The following ARHGEF33 variants were observed in gnomAD, a reference collection of about 807,000 sequenced individuals.
The protein encoded by ARHGEF33 is Rho guanine nucleotide exchange factor 33, also known as DH and coiled-coil domain-containing protein ENSP00000381780.
ARHGEF33 carries 72 observed loss-of-function variants against 101.9 expected under a neutral mutation model. The ratio of observed to expected loss-of-function variants is 0.71; its 90% CI spans 0.58 to 0.86. The LOEUF is 0.86. Ranked by LOEUF, ARHGEF33 falls within the 40% of genes least tolerant of loss-of-function variation. ARHGEF33 has a pLI of 0.00. For synonymous variants in ARHGEF33, 499 were observed against 442.5 expected (o/e 1.13, Z -1.60); for missense variants, 1,169 against 1,111.3 (o/e 1.05, Z -0.74).
At chr2:38,963,884 A>G (rs969290936) in intron 16 of ARHGEF33, among the ~76,000 whole-genome samples, 5 of 152,188 alleles carry the variant, frequency 3.3e-5, no homozygotes, top group Admixed American at 6.5e-5. Flanking sequence ...GGGAAAGGCA[A>G]TTTTTCCACA....
chr2:38,936,589 G>T (rs1285375705), intron 8 of ARHGEF33, among the ~76,000 whole-genome samples: 1 of 152,152 alleles, frequency 6.6e-6, no homozygotes, highest in Non-Finnish European at 1.5e-5. Context: ...GAAACAGAGG[G>T]AACCCCGTGC....
intron 9 of ARHGEF33, among the ~76,000 whole-genome samples, chr2:38,939,112 A>C (rs1667233461): frequency 6.6e-6 from 1 of 152,086 alleles, no homozygotes. Context: ...AGCTGGGATT[A>C]CAGGCGTGCA....
intron 8 of ARHGEF33, 23 bp from the exon 9 acceptor site, chr2:38,937,312 C>CGGGGGGGGGGGGGGGGGGGGG: frequency 5.1e-5 from 30 of 583,320 alleles, no homozygotes; most frequent in East Asian, 1.1e-4. Context: ...TTTGTTTCCC[C>CGGGGGGGGGGGGGGGGGGGGG]GCCCCTCCCC....
At chr2:38,906,415 G>T (rs1666392337) in intron 2 of ARHGEF33, among the ~76,000 whole-genome samples, 1 of 152,112 alleles carries the variant, frequency 6.6e-6, no homozygotes, top group African/African-American at 2.4e-5. Flanking sequence ...ACCAGCCCCA[G>T]CATGTTCTGG....
chr2:38,957,006 C>T lies in ARHGEF33; in HGVS notation c.1329C>T (p.Cys443=), dbSNP rs999420434. The change falls in exon 14 of 18, where the codon TGC becomes TGT. Residue 443 remains cysteine (C), a synonymous_variant. Coordinates refer to ENST00000409978, the MANE Select transcript of ARHGEF33 (RefSeq NM_001145451.5). ...FISHYTLLFQ[C]NEDLLIQKRK... is the part of the protein sequence containing the mutation. Reference sequence around the variant, plus strand: ...CACACTACACCCTGCTGTTTCAATGCAATGAAGATTTGCTTATTCAGAAAC... The same window carrying T: ...CACACTACACCCTGCTGTTTCAATGTAATGAAGATTTGCTTATTCAGAAAC... 6.4e-7 allele frequency: 1 copy of T among 1,552,094 alleles called. No homozygotes were observed. Among genetic ancestry groups the T allele is most frequent in the African/African-American group, 1.4e-5 (1 of 73,152 alleles).
At chr2:38,930,125 TTAAAAA>T (rs1291649937) in intron 6 of ARHGEF33, among the ~76,000 whole-genome samples, 2 of 152,244 alleles carry the variant, frequency 1.3e-5, no homozygotes, top group African/African-American at 4.8e-5. Flanking sequence ...AAAGATTTAC[TTAAAAA>T]TAATGATAGT....
chr2:38,952,531 A>C (rs186237567), intron 11 of ARHGEF33, among the ~76,000 whole-genome samples: 11 of 152,338 alleles, frequency 7.2e-5, no homozygotes, highest in African/African-American at 2.4e-4. Context: ...TTACAAAAAT[A>C]AAAGATACAT....
intron 17 of ARHGEF33, chr2:38,972,977 A>T (rs1668199246): frequency 1.3e-5 from 2 of 152,252 alleles, no homozygotes; most frequent in Admixed American, 1.3e-4. Flanking sequence ...CTAGCTTATC[A>T]GAGGTTATTT....
At chr2:38,918,236 A>G (rs1397971298) in intron 2 of ARHGEF33, among the ~76,000 whole-genome samples, 1 of 152,246 alleles carries the variant, frequency 6.6e-6, no homozygotes, top group East Asian at 1.9e-4. Context: ...TTTCTAACAG[A>G]TAATGGTCAC....
At chr2:38,937,312 C>CGGGGGGGGGGGGGGGGGGGG in intron 8 of ARHGEF33, 23 bp from the exon 9 acceptor site, 41 of 583,318 alleles carry the variant, frequency 7.0e-5, no homozygotes, top group East Asian at 1.1e-4. Flanking sequence ...TTTGTTTCCC[C>CGGGGGGGGGGGGGGGGGGGG]GCCCCTCCCC....
intron 8 of ARHGEF33, 24 bp from the exon 9 acceptor site, chr2:38,937,311 C>CCGGGGGGGGGGGGGGG: frequency 1.7e-6 from 1 of 583,934 alleles, no homozygotes; most frequent in East Asian, 3.7e-5. Flanking sequence ...CTTTGTTTCC[C>CCGGGGGGGGGGGGGGG]CGCCCCTCCC....
rs77593137 is a variant in ARHGEF33 at position 38,965,964 on chromosome 2, T to A, written c.2344-42T>A. ...CCCATAGTCAGGATCCATAATAACA[T>A]TGGAAGGAGTAAAGAAAAAAATCCC... On this transcript the variant is annotated intron_variant, in intron 16 of 17. Coordinates refer to ENST00000409978, the MANE Select transcript of ARHGEF33 (RefSeq NM_001145451.5). The A allele has an allele frequency of 2.0e-3, 3,086 of 1,547,624 alleles. 55 individuals carry two copies. In the African/African-American group the frequency reaches 0.038, roughly 19 times the overall value.
chr2:38,961,345 C>T (rs1298674490), intron 16 of ARHGEF33, among the ~76,000 whole-genome samples: 1 of 152,142 alleles, frequency 6.6e-6, no homozygotes, highest in Non-Finnish European at 1.5e-5. Context: ...TTGAGGTATT[C>T]TGATGGCCAA....
intron 9 of ARHGEF33, among the ~76,000 whole-genome samples, chr2:38,942,270 C>T (rs1161301695): frequency 6.8e-6 from 1 of 146,990 alleles, no homozygotes; most frequent in African/African-American, 2.5e-5. Flanking sequence ...CGGGTTCAAA[C>T]TATTCTCCTG....
In ARHGEF33 at chr2:38,908,707, C is replaced by A. The variant is rs146348047; in HGVS notation, c.-85-10656C>A. Among the ~76,000 whole-genome samples, 1,441 of 152,244 alleles carry A rather than the reference C, an allele frequency of 9.5e-3. 23 individuals are homozygous for A. Among genetic ancestry groups the A allele is most frequent in the African/African-American group, 0.031 (1,307 of 41,540 alleles). On this transcript the variant is annotated intron_variant, in intron 2 of 17. Transcript: ENST00000409978. ...TGCTCCTGTTCTCACTGGCTCTGGG[C>A]ACTTTGGTGTTGCTGGCCGTGATGA...
chr2:38,964,962 A>G (rs1668021901), intron 16 of ARHGEF33, among the ~76,000 whole-genome samples: 1 of 152,012 alleles, frequency 6.6e-6, no homozygotes, highest in Admixed American at 6.6e-5. Flanking sequence ...GTCTAGCTCC[A>G]TGGTCTAGTT....
chr2:38,958,911 A>G (rs1667843098), intron 15 of ARHGEF33, among the ~76,000 whole-genome samples: 1 of 152,042 alleles, frequency 6.6e-6, no homozygotes, highest in Non-Finnish European at 1.5e-5. Context: ...TGCCCGGCTA[A>G]TTTTTGTACT....
At chr2:38,896,385 G>A (rs1558421562) in intron 2 of ARHGEF33, among the ~76,000 whole-genome samples, 1 of 152,196 alleles carries the variant, frequency 6.6e-6, no homozygotes, top group Non-Finnish European at 1.5e-5. Context: ...TGATCTACCT[G>A]CCTTGGCCTC....
intron 4 of ARHGEF33, among the ~76,000 whole-genome samples, chr2:38,921,906 G>A (rs1666766136): frequency 6.6e-6 from 1 of 152,142 alleles, no homozygotes; most frequent in Non-Finnish European, 1.5e-5. Flanking sequence ...TTTTAGCAGG[G>A]AGAATTGAGA....
Sources: gnomAD v4.1 joint callset for allele counts (sites outside exome capture counted in the v4.1 genomes callset) on GRCh38, gnomAD v4.1.1 for gene constraint, MANE v1.5 for transcripts, NCBI Gene and HGNC (gene_info 2026-07-23, HGNC 2026-07-21) for gene names.